The following ADAR variants were observed in gnomAD, a reference collection of about 807,000 sequenced individuals.
ADAR encodes adenosine deaminase RNA specific, also known as double-stranded RNA-specific adenosine deaminase.
Under a neutral mutation model 113.2 loss-of-function variants are expected in ADAR, and 41 were observed. The observed-to-expected ratio is 0.36, with a 90% CI of 0.28 to 0.47. ADAR has a LOEUF of 0.47. Among genes scored for constraint, ADAR ranks in the 20% least tolerant of loss-of-function variants. The probability of loss-of-function intolerance (pLI) is 1.00; values close to 1 mark genes in which losing one functional copy is unlikely to be tolerated. For missense variants in ADAR, 1,242 were observed against 1,540.9 expected (o/e 0.81, Z 3.25); for synonymous variants, 605 against 572.6 (o/e 1.06, Z -0.81).
chr1:154,606,947 A>AT (rs1214124039), intron 1 of ADAR, among the ~76,000 whole-genome samples: 24,171 of 148,416 alleles, frequency 0.16, 2,137 homozygotes, highest in East Asian at 0.26. Flanking sequence ...AAAAAAAAAA[A>AT]ATATATATAT....
intron 1 of ADAR, 52 bp from the exon 2 acceptor site, chr1:154,602,678 A>ACCTGTGGAGGCCCCTCCCTTTGCTG (rs1553213769): frequency 1.1e-5 from 18 of 1,601,238 alleles, no homozygotes; most frequent in Non-Finnish European, 1.4e-5. Context: ...GCAGTGGTGA[A>ACCTGTGGAGGCCCCTCCCTTTGCTG]CCTGTGGAGG....
At position 154,584,839 on chromosome 1, in the gene ADAR, C is replaced by T. The variant is rs1394517844; in HGVS notation, c.3648G>A (p.Gln1216=). ...MGYGNWISKP[Q]EEKNFYLCPV ...GGCAGAGATAAAAGTTCTTTTCCTC[C>T]TGGGGTTTGCTAATCCAGTTCCCAT... The change falls in exon 15 of 15, where the codon CAG becomes CAA. Residue 1216 remains glutamine (Q), a synonymous_variant. Transcript: ENST00000368474. 1 of 1,614,100 alleles carries T rather than the reference C, an allele frequency of 6.2e-7. No individual in the cohort carries two copies. The highest frequency in any genetic ancestry group is 1.1e-5 in the South Asian group (1 of 91,070).
upstream of ADAR, among the ~76,000 whole-genome samples, chr1:154,611,567 A>C (rs1232777947): frequency 6.6e-6 from 1 of 152,214 alleles, no homozygotes; most frequent in Admixed American, 6.5e-5. Context: ...AATACAGACA[A>C]GCAAACACAA....
At chr1:154,617,573 A>G (rs914584585) in intron 1 of ADAR, among the ~76,000 whole-genome samples, 1 of 152,192 alleles carries the variant, frequency 6.6e-6, no homozygotes, top group Non-Finnish European at 1.5e-5. Context: ...TGTAGAATGG[A>G]ACAGTTAGAC....
chr1:154,587,895 C>T (rs1255010439), intron 11 of ADAR, among the ~76,000 whole-genome samples: 1 of 152,200 alleles, frequency 6.6e-6, no homozygotes, highest in Non-Finnish European at 1.5e-5. Flanking sequence ...ACATGGGAAC[C>T]CCCACCTCCT....
At chr1:154,619,912 G>A (rs1171175077) in intron 1 of ADAR, among the ~76,000 whole-genome samples, 1 of 152,162 alleles carries the variant, frequency 6.6e-6, no homozygotes, top group African/African-American at 2.4e-5. Context: ...GCTAGACCCA[G>A]CATTTATACT....
In ADAR at chr1:154,601,295, A is replaced by C; in HGVS notation, c.1347T>G (p.Phe449Leu). Residue 449 changes from phenylalanine to leucine, a missense_variant, in exon 2 of 15, where the codon TTT becomes TTG. Transcript: ENST00000368474. The surrounding 1 kb of genome is among the most constrained non-coding windows in gnomAD (Gnocchi z 4.7). ...CATCTGTGGCCCACTGGCCATTTTC[A>C]AAGTCAACATACCCTGCTTTTGAGG... The part of the protein sequence containing the change: ...NGPSKAGYVD[F>L]ENGQWATDDI... The C allele has an allele frequency of 6.2e-7, 1 of 1,614,194 alleles. No individual in the cohort carries two copies. Among genetic ancestry groups the C allele is most frequent in the Non-Finnish European group, 8.5e-7 (1 of 1,180,026 alleles).
chr1:154,608,837 G>GGGGT, upstream of ADAR: 1 of 138,138 alleles, frequency 7.2e-6, no homozygotes, highest in East Asian at 2.2e-4. Flanking sequence ...GAGGGGGGGG[G>GGGGT]GAGGGGATGG....
chr1:154,589,972 G>A (rs747979489), intron 7 of ADAR, 44 bp from the exon 8 acceptor site: 2 of 1,610,644 alleles, frequency 1.2e-6, no homozygotes, highest in South Asian at 2.2e-5. Flanking sequence ...AGCTGAGGCT[G>A]TGTCCACCAT....
intron 1 of ADAR, among the ~76,000 whole-genome samples, chr1:154,617,083 TCATAGA>T (rs1421249940): frequency 1.3e-5 from 2 of 152,240 alleles, no homozygotes; most frequent in African/African-American, 4.8e-5. Context: ...TTATCCTGAC[TCATAGA>T]CATAGTGAGA....
chr1:154,590,140 G>GGGCC, intron 7 of ADAR, 44 bp downstream of exon 7: 4 of 1,373,182 alleles, frequency 2.9e-6, no homozygotes, highest in African/African-American at 1.8e-5. Context: ...GAGTTAGGAG[G>GGGCC]ACCCCCCCGC....
chr1:154,585,398 T>G (rs780551896), intron 13 of ADAR, 54 bp from the exon 14 acceptor site: 7 of 1,612,166 alleles, frequency 4.3e-6, no homozygotes, highest in Non-Finnish European at 5.1e-6. Context: ...GGAATAAGAT[T>G]CTGAAGCAGG....
At chr1:154,615,485 C>G (rs1450356940) in intron 1 of ADAR, among the ~76,000 whole-genome samples, 1 of 152,220 alleles carries the variant, frequency 6.6e-6, no homozygotes, top group Non-Finnish European at 1.5e-5. Flanking sequence ...TCATGTCTCA[C>G]TGCAATCTCA....
At chr1:154,608,474 G>T (rs1698348683), upstream of ADAR, among the ~76,000 whole-genome samples, 1 of 142,640 alleles carries the variant, frequency 7.0e-6, no homozygotes, top group Non-Finnish European at 1.5e-5. Context: ...GATTACAGGC[G>T]AGCGCCATCA....
chr1:154,616,569 C>T (rs1698640780), intron 1 of ADAR, among the ~76,000 whole-genome samples: 1 of 152,116 alleles, frequency 6.6e-6, no homozygotes, highest in South Asian at 2.1e-4. Flanking sequence ...CCCCTCCCAT[C>T]GCATGATTTC....
chr1:154,590,445 C>T (rs1157779290), intron 6 of ADAR, 36 bp from the exon 7 acceptor site: 1 of 1,594,056 alleles, frequency 6.3e-7, no homozygotes, highest in South Asian at 1.1e-5. Context: ...AGACAAGTGC[C>T]AGACCCTGAC....
intron 1 of ADAR, among the ~76,000 whole-genome samples, chr1:154,619,997 A>G (rs1698744376): frequency 1.3e-5 from 2 of 152,222 alleles, no homozygotes; most frequent in South Asian, 4.1e-4. Flanking sequence ...GGGCTGGAGG[A>G]TGGGGGAAAA....
Position 154,585,801 on chromosome 1 carries a change from A to T in ADAR, c.3267T>A (p.Ser1089Arg). 6.2e-7 allele frequency: 1 copy of T among 1,613,898 alleles called. No homozygotes were observed. Among genetic ancestry groups the T allele is most frequent in the Non-Finnish European group, 8.5e-7 (1 of 1,179,898 alleles). ...AICCRVTRDG[S>R]AFEDGLRHPF... ...GATGTCGTAGTCCATCCTCAAATGC[A>T]CTCCCATCTCTTGTCACACGACAGC... Residue 1089 changes from serine (S) to arginine (R), a missense_variant, in exon 13 of 15, where the codon AGT becomes AGA. Ser to Arg is a moderately radical substitution (Grantham distance 110). This residue lies in a region of ADAR where 780 missense variants were observed against 1,057.9 expected (regional missense o/e 0.74). Transcript: ENST00000368474.
At position 154,608,058 on chromosome 1, in the gene ADAR, C is replaced by T; in HGVS notation, c.-52G>A. On this transcript the variant is annotated 5_prime_UTR_variant, in exon 1 of 15. Transcript: ENST00000368474. ...GACCCGCCGGCGGCACGACCCTGGCCCGACCGCTGGGCCGCGCCAGCCCCT... is the reference window on the plus strand; with the variant it reads ...GACCCGCCGGCGGCACGACCCTGGCTCGACCGCTGGGCCGCGCCAGCCCCT... 6.5e-7 allele frequency: 1 copy of T among 1,543,038 alleles called. No individual in the cohort carries two copies. Among genetic ancestry groups the T allele is most frequent in the Non-Finnish European group, 8.7e-7 (1 of 1,143,966 alleles).
Sources: allele counts gnomAD v4.1 joint callset (sites outside exome capture counted in the v4.1 genomes callset), GRCh38; gene constraint gnomAD v4.1.1; regional missense constraint gnomAD v4.1.1; non-coding constraint Gnocchi (gnomAD v3.1); transcripts MANE v1.5; gene names NCBI Gene and HGNC (gene_info 2026-07-23, HGNC 2026-07-21).